Variants in ATP2B1 observed in about 807,000 individuals in gnomAD.
ATP2B1 encodes ATPase plasma membrane Ca2+ transporting 1.
Under a neutral mutation model 124.2 loss-of-function variants are expected in ATP2B1, and 14 were observed. That is an observed-to-expected ratio of 0.11 (90% CI 0.07 to 0.18). The LOEUF is 0.18. ATP2B1 is among the 10% of genes least tolerant of loss of function. The pLI, the probability that ATP2B1 is intolerant of heterozygous loss-of-function variation, is 1.00. For synonymous variants in ATP2B1, 449 were observed against 492.4 expected (o/e 0.91, Z 1.17); for missense variants, 763 against 1,466.1 (o/e 0.52, Z 7.83).
chr12:89,651,880 A>G (rs1885298634), intron 2 of ATP2B1, among the ~76,000 whole-genome samples: 1 of 152,160 alleles, frequency 6.6e-6, no homozygotes, highest in Admixed American at 6.5e-5. Context: ...AATAGGATAA[A>G]CTTGTTAAAA....
At chr12:89,617,086 T>A in intron 11 of ATP2B1, 47 bp from the exon 12 acceptor site, 1 of 1,459,886 alleles carries the variant, frequency 6.8e-7, no homozygotes, top group Non-Finnish European at 9.6e-7. Context: ...AAAAAAATAA[T>A]GGTTAATGCC....
intron 1 of ATP2B1, among the ~76,000 whole-genome samples, chr12:89,663,631 A>C (rs1350478946): frequency 1.3e-5 from 2 of 152,182 alleles, no homozygotes. Context: ...CTGTTTCTAC[A>C]CTATCTCCCA....
chr12:89,614,922 T>C (rs1455677678), intron 12 of ATP2B1, among the ~76,000 whole-genome samples: 1 of 152,168 alleles, frequency 6.6e-6, no homozygotes, highest in Admixed American at 6.5e-5. Flanking sequence ...TTAGCTTCCC[T>C]GCTTCTACTC....
chr12:89,610,249 A>G (rs1877743110), intron 14 of ATP2B1, among the ~76,000 whole-genome samples, 172 bp downstream of exon 14: 1 of 152,232 alleles, frequency 6.6e-6, no homozygotes, highest in South Asian at 2.1e-4. Flanking sequence ...AACACTTAAG[A>G]TAATCACTTA....
In ATP2B1 at chr12:89,682,556, C is replaced by A. The variant is rs1435363448; in HGVS notation, c.-222+26040G>T. 1.3e-5 allele frequency among the ~76,000 whole-genome samples: 2 copies of A among 152,110 alleles called. 1 individual carries two copies. ...GTCCAGAAACAGATCTAACTACATACAGAAATAAATATATGACAATGGTAG... is the reference window on the plus strand; with the variant it reads ...GTCCAGAAACAGATCTAACTACATAAAGAAATAAATATATGACAATGGTAG... On this transcript the variant is annotated intron_variant, in intron 1 of 20. Coordinates refer to ENST00000428670, the MANE Select transcript of ATP2B1 (RefSeq NM_001366521.1).
intron 20 of ATP2B1, among the ~76,000 whole-genome samples, chr12:89,591,685 A>G (rs115298102): frequency 2.4e-3 from 361 of 152,128 alleles, no homozygotes; most frequent in African/African-American, 8.3e-3. Flanking sequence ...AACAACTCAA[A>G]TAAGTTAAAC....
intron 1 of ATP2B1, among the ~76,000 whole-genome samples, chr12:89,677,749 A>C (rs1173683349): frequency 1.3e-5 from 2 of 151,928 alleles, no homozygotes; most frequent in African/African-American, 4.8e-5. Flanking sequence ...GTGACTATTC[A>C]GAATTCCACC....
rs546427934 is a variant in ATP2B1, at chr12:89,670,439, T to C, written c.-221-14332A>G. 1.3e-3 allele frequency among the ~76,000 whole-genome samples: 195 copies of C among 152,244 alleles called. 1 individual carries two copies. Among genetic ancestry groups the C allele is most frequent in the African/African-American group, 4.5e-3 (186 of 41,564 alleles). ...TTGTTGTTGTTTTGGTTTGTTTTTT[T>C]CAACTTTTATTTTAGATTCAGTGAG... On this transcript the variant is annotated intron_variant, in intron 1 of 20. Coordinates refer to ENST00000428670, the MANE Select transcript of ATP2B1 (RefSeq NM_001366521.1).
At chr12:89,677,268 A>T (rs1888732006) in intron 1 of ATP2B1, among the ~76,000 whole-genome samples, 1 of 152,114 alleles carries the variant, frequency 6.6e-6, no homozygotes, top group Non-Finnish European at 1.5e-5. Context: ...GGCAGAGCCC[A>T]GCTGTTTTGA....
At chr12:89,613,992 A>G (rs1375813637) in intron 12 of ATP2B1, among the ~76,000 whole-genome samples, 1 of 152,226 alleles carries the variant, frequency 6.6e-6, no homozygotes, top group African/African-American at 2.4e-5. Flanking sequence ...TAGTATATAA[A>G]TACCCATCTC....
intron 3 of ATP2B1, among the ~76,000 whole-genome samples, chr12:89,641,633 C>T (rs1323500781): frequency 2.6e-5 from 4 of 152,074 alleles, no homozygotes; most frequent in East Asian, 1.9e-4. Context: ...CAAAGTATTT[C>T]GGATTTTCAT....
At chr12:89,659,804 TC>T (rs1189701601) in intron 1 of ATP2B1, among the ~76,000 whole-genome samples, 9 of 151,162 alleles carry the variant, frequency 6.0e-5, no homozygotes. Flanking sequence ...GCGCCTGTAG[TC>T]CCAGCTACTC....
chr12:89,611,502 G>C, intron 12 of ATP2B1, 130 bp from the exon 13 acceptor site: 1 of 691,044 alleles, frequency 1.4e-6, no homozygotes, highest in South Asian at 4.7e-5. Context: ...ACTTAATAAT[G>C]ATTGATTTCA....
At chr12:89,649,394 A>T (rs944897222) in intron 2 of ATP2B1, among the ~76,000 whole-genome samples, 1 of 152,244 alleles carries the variant, frequency 6.6e-6, no homozygotes, top group Non-Finnish European at 1.5e-5. Flanking sequence ...CAGTCAAAGA[A>T]GATTGTTTTG....
At chr12:89,631,845 G>A (rs2681485) in intron 5 of ATP2B1, among the ~76,000 whole-genome samples, 89,317 of 150,106 alleles carry the variant, frequency 0.6, 27,030 homozygotes, top group Admixed American at 0.7. Context: ...GACAGAGTAT[G>A]TGTTGCCCAG....
chr12:89,617,353 T>C (rs1367310305), intron 11 of ATP2B1, among the ~76,000 whole-genome samples: 2 of 152,210 alleles, frequency 1.3e-5, no homozygotes, highest in African/African-American at 4.8e-5. Flanking sequence ...GAATAAACTA[T>C]ATACTTCACC....
chr12:89,653,194 G>A (rs1438526969), intron 2 of ATP2B1, among the ~76,000 whole-genome samples: 1 of 151,386 alleles, frequency 6.6e-6, no homozygotes, highest in African/African-American at 2.4e-5. Context: ...GGAAGAACAT[G>A]AGCAAAAACT....
intron 11 of ATP2B1, among the ~76,000 whole-genome samples, chr12:89,618,439 GAGA>G (rs1879384653): frequency 6.6e-6 from 1 of 152,182 alleles, no homozygotes; most frequent in African/African-American, 2.4e-5. Flanking sequence ...GTTAGTTGCA[GAGA>G]AAGAGTCAAT....
intron 1 of ATP2B1, among the ~76,000 whole-genome samples, chr12:89,687,521 A>C (rs1308339131): frequency 6.6e-6 from 1 of 152,032 alleles, no homozygotes; most frequent in Non-Finnish European, 1.5e-5. Context: ...TTTGCTATCT[A>C]GGTGGGTGGA....
Sources: gnomAD v4.1 joint callset for allele counts (sites outside exome capture counted in the v4.1 genomes callset) on GRCh38, gnomAD v4.1.1 for gene constraint, MANE v1.5 for transcripts, NCBI Gene and HGNC (gene_info 2026-07-23, HGNC 2026-07-21) for gene names.